Variants in SLC36A1 observed in about 807,000 individuals in gnomAD.
The protein encoded by SLC36A1 is proton-coupled amino acid transporter 1.
SLC36A1 carries 30 observed loss-of-function variants against 47.5 expected under a neutral mutation model. That is an observed-to-expected ratio of 0.63 (90% confidence interval 0.47 to 0.86). SLC36A1 has a LOEUF of 0.86. Among genes scored for constraint, SLC36A1 ranks in the 40% least tolerant of loss-of-function variants. The pLI, the probability that SLC36A1 is intolerant of heterozygous loss-of-function variation, is 0.00. For missense variants in SLC36A1, 517 were observed against 606.0 expected (o/e 0.85, Z 1.54); for synonymous variants, 255 against 249.7 (o/e 1.02, Z -0.20).
At chr5:151,528,129 G>A in the SLC36A1 span, 1 of 1,613,930 alleles carries the variant, frequency 6.2e-7, no homozygotes, top group Non-Finnish European at 8.5e-7. Context: ...ATCAGTCGCT[G>A]ATACCTGCGG....
intron 9 of SLC36A1, among the ~76,000 whole-genome samples, chr5:151,478,846 A>G (rs1758428675): frequency 6.6e-6 from 1 of 152,084 alleles, no homozygotes; most frequent in Non-Finnish European, 1.5e-5. Flanking sequence ...TTTTAAGACA[A>G]ATTGTAGCAC....
the SLC36A1 span, chr5:151,510,327 T>C: frequency 1.2e-5 from 10 of 834,442 alleles, no homozygotes; most frequent in African/African-American, 1.7e-4. Flanking sequence ...TGGGCATTGG[T>C]GCCCTGCTGA....
the SLC36A1 span, among the ~76,000 whole-genome samples, chr5:151,374,364 G>A: frequency 3.5e-4 from 54 of 152,264 alleles, 1 homozygote; most frequent in Non-Finnish European, 6.5e-4. Context: ...ACACCACCTC[G>A]TGTTGTCTGT....
Position 151,448,656 on chromosome 5 carries a change from C to T in SLC36A1, c.-6+843C>T, listed in dbSNP as rs183088588. On this transcript the variant is annotated intron_variant, in intron 1 of 10. Transcript: ENST00000243389. ...TGTAAAGACCTTTGCTTTATTTTTT[C>T]TGTAACTTGTCAGATTTGGGATTGC... Among the ~76,000 whole-genome samples the T allele has an allele frequency of 3.3e-5, 5 of 152,340 alleles. No individual in the cohort carries two copies. The East Asian group carries it at 9.6e-4, about 29-fold the overall frequency.
intron 7 of SLC36A1, 43 bp from the exon 8 acceptor site, chr5:151,473,629 AG>A (rs749040245): frequency 8.2e-7 from 1 of 1,216,138 alleles, no homozygotes; most frequent in Non-Finnish European, 1.2e-6. Flanking sequence ...ATTTCTGTAT[AG>A]CCTTTTGCTT....
the SLC36A1 span, chr5:151,537,716 G>T: frequency 7.1e-7 from 1 of 1,412,578 alleles, no homozygotes; most frequent in Non-Finnish European, 9.6e-7. Context: ...TCTTCTCCAA[G>T]GAGAATACCA....
At chr5:151,477,916 G>A (rs776670618) in intron 9 of SLC36A1, among the ~76,000 whole-genome samples, 1 of 152,146 alleles carries the variant, frequency 6.6e-6, no homozygotes, top group South Asian at 2.1e-4. Flanking sequence ...CCCAGCTGCT[G>A]TAACTCTTCT....
chr5:151,348,932 A>C, the SLC36A1 span, among the ~76,000 whole-genome samples: 1 of 152,052 alleles, frequency 6.6e-6, no homozygotes. Context: ...TGCTGGCCCC[A>C]CCCTGCCAGC....
chr5:151,470,554 A>C (rs1442225806), intron 7 of SLC36A1, among the ~76,000 whole-genome samples: 2 of 152,220 alleles, frequency 1.3e-5, no homozygotes, highest in Non-Finnish European at 2.9e-5. Flanking sequence ...GTCTGCCTGG[A>C]GTACAGCATG....
chr5:151,545,128 G>T, the SLC36A1 span: 2 of 1,614,192 alleles, frequency 1.2e-6, no homozygotes, highest in Admixed American at 1.7e-5. Context: ...GTAGGAAAGG[G>T]TGTCATTCAA....
chr5:151,547,521 A>G, the SLC36A1 span, among the ~76,000 whole-genome samples: 1 of 152,186 alleles, frequency 6.6e-6, no homozygotes, highest in African/African-American at 2.4e-5. Context: ...AGCATATTTT[A>G]TTATTTCAGT....
chr5:151,352,225 CT>C, the SLC36A1 span, among the ~76,000 whole-genome samples: 9 of 152,228 alleles, frequency 5.9e-5, no homozygotes, highest in Admixed American at 2.0e-4. Flanking sequence ...CATACCCCTG[CT>C]TTTTTTCATG....
the SLC36A1 span, among the ~76,000 whole-genome samples, chr5:151,346,948 C>T: frequency 6.6e-6 from 1 of 152,214 alleles, no homozygotes; most frequent in African/African-American, 2.4e-5. Flanking sequence ...AGGGATTCTA[C>T]CTCTATCCCC....
At chr5:151,505,559 G>A in the SLC36A1 span, 1 of 1,614,028 alleles carries the variant, frequency 6.2e-7, no homozygotes. Flanking sequence ...CTCTGGGAAT[G>A]GGAAGCTAGA....
At chr5:151,436,070 G>A (rs564865362), upstream of SLC36A1, among the ~76,000 whole-genome samples, 4,935 of 151,938 alleles carry the variant, frequency 0.032, 255 homozygotes, top group African/African-American at 0.11. Flanking sequence ...TATATGAATT[G>A]CCTATTCATA....
upstream of SLC36A1, among the ~76,000 whole-genome samples, chr5:151,432,162 A>G (rs73285660): frequency 6.5e-3 from 996 of 152,278 alleles, 15 homozygotes; most frequent in East Asian, 0.027. Context: ...AGTTCCAGGT[A>G]CTGCAGTCCC....
chr5:151,500,377 T>C, the SLC36A1 span, among the ~76,000 whole-genome samples: 4 of 152,240 alleles, frequency 2.6e-5, no homozygotes, highest in Non-Finnish European at 5.9e-5. Context: ...TTGTTGTTGT[T>C]GTTGTTTTGA....
At chr5:151,446,227 C>G (rs1226469179), upstream of SLC36A1, among the ~76,000 whole-genome samples, 1 of 151,912 alleles carries the variant, frequency 6.6e-6, no homozygotes, top group East Asian at 1.9e-4. Context: ...CATCTTTGAC[C>G]CACTGGTTGT....
the SLC36A1 span, among the ~76,000 whole-genome samples, chr5:151,415,294 A>G: frequency 4.6e-5 from 7 of 151,898 alleles, no homozygotes; most frequent in African/African-American, 1.7e-4. Context: ...GCTTCCCTCT[A>G]CTCTGGGAAC....
Sources: allele counts gnomAD v4.1 joint callset (sites outside exome capture counted in the v4.1 genomes callset), GRCh38; gene constraint gnomAD v4.1.1; transcripts MANE v1.5; gene names NCBI Gene and HGNC (gene_info 2026-07-23, HGNC 2026-07-21).